Variants in HDLBP observed in about 807,000 individuals in gnomAD.
HDLBP encodes vigilin.
A neutral mutation model predicts 137.3 loss-of-function variants in HDLBP; 30 were observed. The observed-to-expected ratio is 0.22, with a 90% CI of 0.16 to 0.30. The LOEUF (loss-of-function observed/expected upper bound fraction) is 0.30, where lower values mean the gene tolerates loss of function less well. Among genes scored for constraint, HDLBP ranks in the 10% least tolerant of loss-of-function variants. The probability of loss-of-function intolerance (pLI) is 1.00; values close to 1 mark genes in which losing one functional copy is unlikely to be tolerated. For synonymous variants in HDLBP, 606 were observed against 596.0 expected (o/e 1.02, Z -0.24); for missense variants, 1,119 against 1,667.3 (o/e 0.67, Z 5.73).
intron 17 of HDLBP, among the ~76,000 whole-genome samples, chr2:241,241,546 G>C (rs887516243): frequency 2.4e-5 from 3 of 123,090 alleles, no homozygotes; most frequent in African/African-American, 9.6e-5. Context: ...CAGCCTGGGC[G>C]ACAGAGCAAG....
chr2:241,237,426 A>G (rs1293266402), intron 20 of HDLBP, among the ~76,000 whole-genome samples: 1 of 152,236 alleles, frequency 6.6e-6, no homozygotes, highest in Non-Finnish European at 1.5e-5. Flanking sequence ...GTCACAAAAC[A>G]GACACAACAA....
chr2:241,288,067 T>C (rs961994305), intron 1 of HDLBP, among the ~76,000 whole-genome samples: 23 of 152,338 alleles, frequency 1.5e-4, no homozygotes, highest in African/African-American at 5.5e-4. Flanking sequence ...GGGAAAGCTC[T>C]GTATTATATG....
rs1228535467 is a variant in HDLBP, at chr2:241,227,340, T to C, written c.*2261A>G. ...ATTTATAAAATTCCAGTGTCATCCA[T>C]ATTCATGAGCCTTTACACATGTTTG... On this transcript the variant is annotated 3_prime_UTR_variant, in exon 28 of 28. Coordinates refer to ENST00000310931, the MANE Select transcript of HDLBP (RefSeq NM_005336.6). 1 of 152,564 alleles carries C rather than the reference T, an allele frequency of 6.6e-6. No homozygotes were observed. Among genetic ancestry groups the C allele is most frequent in the Non-Finnish European group, 1.5e-5 (1 of 68,044 alleles). The allele number at this position is 152,564 out of a possible 1,614,324, so 9.5% of individuals were successfully genotyped here.
At chr2:241,306,420 C>T (rs1291337601) in intron 1 of HDLBP, among the ~76,000 whole-genome samples, 3 of 151,900 alleles carry the variant, frequency 2.0e-5, no homozygotes, top group Non-Finnish European at 2.9e-5. Context: ...CCACCACGCC[C>T]GGCTAGTTTT....
intron 1 of HDLBP, among the ~76,000 whole-genome samples, chr2:241,306,968 AT>A (rs1319969673): frequency 2.8e-4 from 15 of 53,708 alleles, no homozygotes; most frequent in African/African-American, 6.4e-4. Context: ...CTCTGAACCT[AT>A]TCAAAAAAAA....
chr2:241,277,536 T>C (rs2074433649), intron 1 of HDLBP, among the ~76,000 whole-genome samples: 4 of 152,322 alleles, frequency 2.6e-5, no homozygotes, highest in South Asian at 4.1e-4. Context: ...AAGAATTCTA[T>C]TGAGAAGAGT....
At chr2:241,244,026 A>G (rs1288299085) in intron 16 of HDLBP, among the ~76,000 whole-genome samples, 3 of 152,218 alleles carry the variant, frequency 2.0e-5, no homozygotes, top group African/African-American at 7.2e-5. Context: ...AAGACTGAAC[A>G]TGTTAAGAAC....
rs756039030 is a variant in HDLBP, at chr2:241,233,987, G to A, written c.3145-24C>T. 1.2e-5 allele frequency: 19 copies of A among 1,613,726 alleles called. No homozygotes were observed. In the Admixed American group the frequency reaches 3.2e-4, roughly 27 times the overall value. ...GCCTACAAATGAAAGGAGCAAGAAT[G>A]AGGCAAAGATTGAGCTGATCCACCC... On this transcript the variant is annotated intron_variant, in intron 23 of 27. Coordinates refer to ENST00000310931, the MANE Select transcript of HDLBP (RefSeq NM_005336.6). The surrounding 1 kb of genome is among the most constrained non-coding windows in gnomAD (Gnocchi z 4.3).
At position 241,256,867 on chromosome 2, in the gene HDLBP, T is replaced by C. The variant is rs2072659515; in HGVS notation, c.451-61A>G. 2.8e-6 allele frequency: 4 copies of C among 1,430,984 alleles called. No homozygotes were observed. The African/African-American group carries it at 4.2e-5, about 15-fold the overall frequency. 88.6% of individuals were successfully genotyped at this position (1,430,984 alleles called of 1,614,324 possible). On this transcript the variant is annotated intron_variant, in intron 5 of 27. Coordinates refer to ENST00000310931, the MANE Select transcript of HDLBP (RefSeq NM_005336.6). ...TTTGTAGGTTCTGAAGGAGCATATT[T>C]TTCCAAGACATTCTGGCAGAAACAC...
At chr2:241,270,420 A>G (rs1477700245) in intron 1 of HDLBP, among the ~76,000 whole-genome samples, 2 of 152,242 alleles carry the variant, frequency 1.3e-5, no homozygotes, top group African/African-American at 4.8e-5. Context: ...AACTAGAGAC[A>G]CATTTAACAT....
At chr2:241,312,789 G>C (rs1342666421) in intron 1 of HDLBP, among the ~76,000 whole-genome samples, 1 of 152,210 alleles carries the variant, frequency 6.6e-6, no homozygotes, top group Non-Finnish European at 1.5e-5. Flanking sequence ...GTAAGTTTCA[G>C]CTGGGACGCA....
chr2:241,313,050 C>T (rs2075799985), intron 1 of HDLBP, among the ~76,000 whole-genome samples: 1 of 152,200 alleles, frequency 6.6e-6, no homozygotes, highest in South Asian at 2.1e-4. Flanking sequence ...GTCTTCCTGT[C>T]CACTCAGCAC....
intron 1 of HDLBP, among the ~76,000 whole-genome samples, chr2:241,292,133 G>A (rs1197997786): frequency 6.6e-6 from 1 of 152,146 alleles, no homozygotes; most frequent in Non-Finnish European, 1.5e-5. Flanking sequence ...TAACCTGGCT[G>A]CTCAACGTGC....
Position 241,240,041 on chromosome 2 carries a change from G to A in HDLBP, c.2251C>T (p.Arg751Cys), listed in dbSNP as rs760329761. 9 of 1,614,056 alleles carry A rather than the reference G, an allele frequency of 5.6e-6. No individual in the cohort carries two copies. Among genetic ancestry groups the A allele is most frequent in the African/African-American group, 1.3e-5 (1 of 74,916 alleles). ...FLIGKGGGKIRKVRDSTGARV... is the reference protein window; with the variant it reads ...FLIGKGGGKICKVRDSTGARV... ...GCTCCAGTGCTGTCGCGCACCTTGCGAATTTTGCCGCCCCCCTTGCCGATG... is the reference window on the plus strand; with the variant it reads ...GCTCCAGTGCTGTCGCGCACCTTGCAAATTTTGCCGCCCCCCTTGCCGATG... Residue 751 changes from arginine to cysteine, a missense_variant, in exon 18 of 28, where the codon CGC (arginine) becomes TGC (cysteine). By Grantham distance (180) the Arg-to-Cys change is radical. Coordinates refer to ENST00000310931, the MANE Select transcript of HDLBP (RefSeq NM_005336.6). The surrounding 1 kb of genome is among the most constrained non-coding windows in gnomAD (Gnocchi z 5.5).
Position 241,238,587 on chromosome 2 carries a change from C to T in HDLBP, c.2749+62G>A. Reference sequence around the variant, plus strand: ...GAGCCTCACCAGTATGTGCGACAGCCCCGCCTCTCACATGGGAGGCGCCAC... The same window carrying T: ...GAGCCTCACCAGTATGTGCGACAGCTCCGCCTCTCACATGGGAGGCGCCAC... On this transcript the variant is annotated intron_variant, in intron 20 of 27. Transcript: ENST00000310931. The surrounding 1 kb of genome is among the most constrained non-coding windows in gnomAD (Gnocchi z 4.9). 1 of 1,325,678 alleles carries T rather than the reference C, an allele frequency of 7.5e-7. No individual in the cohort carries two copies. Among genetic ancestry groups the T allele is most frequent in the South Asian group, 1.7e-5 (1 of 57,500 alleles). The allele number at this position is 1,325,678 out of a possible 1,614,324, so 82.1% of individuals were successfully genotyped here. A position where few individuals can be genotyped will look rare whatever the true frequency, so the allele number is the denominator to read the frequency against.
intron 11 of HDLBP, 125 bp downstream of exon 11, chr2:241,252,832 T>C (rs1042524345): frequency 1.4e-5 from 9 of 624,430 alleles, no homozygotes; most frequent in African/African-American, 1.4e-4. Context: ...GTAAAGTCTG[T>C]AACTCCCATT....
At chr2:241,281,189 C>T (rs1455252353) in intron 1 of HDLBP, among the ~76,000 whole-genome samples, 1 of 152,150 alleles carries the variant, frequency 6.6e-6, no homozygotes, top group Non-Finnish European at 1.5e-5. Flanking sequence ...AACCCCATCT[C>T]TACTAAAACA....
chr2:241,280,217 C>A, intron 1 of HDLBP: 1 of 640,046 alleles, frequency 1.6e-6, no homozygotes, highest in Non-Finnish European at 1.9e-6. Flanking sequence ...TTATATGTGG[C>A]TCATATTACA....
chr2:241,280,271 C>T (rs1428772259), intron 1 of HDLBP, among the ~76,000 whole-genome samples: 1 of 152,128 alleles, frequency 6.6e-6, no homozygotes, highest in Non-Finnish European at 1.5e-5. Flanking sequence ...CTTATTTATA[C>T]TCAGTTTAAT....
Sources: allele counts gnomAD v4.1 joint callset (sites outside exome capture counted in the v4.1 genomes callset), GRCh38; gene constraint gnomAD v4.1.1; non-coding constraint Gnocchi (gnomAD v3.1); transcripts MANE v1.5; gene names NCBI Gene and HGNC (gene_info 2026-07-23, HGNC 2026-07-21).